Variants in VPS53 observed in about 807,000 individuals in gnomAD.
VPS53 encodes the protein VPS53 subunit of GARP complex.
VPS53 carries 70 observed loss-of-function variants against 107.0 expected under a neutral mutation model. The ratio of observed to expected loss-of-function variants is 0.65; its 90% CI spans 0.54 to 0.80. VPS53 has a LOEUF of 0.80. Among genes scored for constraint, VPS53 ranks in the 30% least tolerant of loss-of-function variants. The pLI is 0.00. For missense variants in VPS53, 917 were observed against 1,049.4 expected, an observed-to-expected ratio of 0.87 and a Z score of 1.74; for synonymous variants, 409 against 393.3, an observed-to-expected ratio of 1.04 and a Z score of -0.47.
intron 17 of VPS53, among the ~76,000 whole-genome samples, chr17:548,850 T>A (rs1177057334): frequency 1.3e-5 from 2 of 152,252 alleles, no homozygotes; most frequent in African/African-American, 2.4e-5. Context: ...CTGTTTGAAC[T>A]GCCCTACTAA....
At chr17:628,367 G>A (rs1969807293) in intron 8 of VPS53, 136 bp from the exon 9 acceptor site, 1 of 1,056,738 alleles carries the variant, frequency 9.5e-7, no homozygotes, top group Non-Finnish European at 1.3e-6. Context: ...TTTCTGCTGT[G>A]GCTGGATCTG....
At chr17:620,022 T>C (rs910205484) in intron 11 of VPS53, among the ~76,000 whole-genome samples, 3 of 152,224 alleles carry the variant, frequency 2.0e-5, no homozygotes, top group African/African-American at 7.2e-5. Flanking sequence ...TCTTTAAGGC[T>C]ATTTTCACCT....
In VPS53 at chr17:628,173, T is replaced by C. The variant is rs1969797873; in HGVS notation, c.746A>G (p.Asp249Gly). 6.2e-7 allele frequency: 1 copy of C among 1,613,966 alleles called. No homozygotes were observed. Among genetic ancestry groups the C allele is most frequent in the Non-Finnish European group, 8.5e-7 (1 of 1,180,022 alleles). ...GATGATTTCCTGTTTGATCCTGGGATCTAGAATATTAGCAACCAGACATGC... is the reference window on the plus strand; with the variant it reads ...GATGATTTCCTGTTTGATCCTGGGACCTAGAATATTAGCAACCAGACATGC... The part of the protein sequence containing the change: ...RDACLVANIL[D>G]PRIKQEIIKK... Residue 249 changes from aspartate to glycine, a missense_variant, in exon 9 of 22, where the codon GAT becomes GGT. Coordinates refer to ENST00000437048, the MANE Select transcript of VPS53 (RefSeq NM_001128159.3).
At chr17:525,510 G>C (rs917998097) in intron 19 of VPS53, among the ~76,000 whole-genome samples, 5 of 152,162 alleles carry the variant, frequency 3.3e-5, no homozygotes, top group Non-Finnish European at 5.9e-5. Context: ...GCAACACAGT[G>C]AGACCTTGTC....
intron 13 of VPS53, among the ~76,000 whole-genome samples, chr17:576,328 C>T (rs868413204): frequency 1.3e-5 from 2 of 152,182 alleles, no homozygotes; most frequent in South Asian, 2.1e-4. Flanking sequence ...CCCTCAGAAC[C>T]TAACGCTTTC....
intron 4 of VPS53, among the ~76,000 whole-genome samples, chr17:697,005 C>A (rs1204508140): frequency 1.3e-5 from 2 of 152,170 alleles, no homozygotes; most frequent in Admixed American, 1.3e-4. Flanking sequence ...AGTCACCTGC[C>A]TGCTGGCAAA....
chr17:596,263 T>C (rs1160745706), intron 12 of VPS53, among the ~76,000 whole-genome samples: 1 of 152,236 alleles, frequency 6.6e-6, no homozygotes, highest in Admixed American at 6.5e-5. Context: ...AAAGAAACTA[T>C]GTTGGAGTAA....
At chr17:551,438 T>C (rs1911809356) in intron 17 of VPS53, among the ~76,000 whole-genome samples, 1 of 152,016 alleles carries the variant, frequency 6.6e-6, no homozygotes, top group Non-Finnish European at 1.5e-5. Context: ...CACAGTGGCA[T>C]GCACCTGTGG....
intron 17 of VPS53, among the ~76,000 whole-genome samples, chr17:549,037 G>A (rs1212265378): frequency 1.3e-5 from 2 of 152,078 alleles, no homozygotes; most frequent in Admixed American, 6.6e-5. Context: ...GGGTATTGCT[G>A]TCATCTTACA....
chr17:655,637 T>G (rs922068045), intron 6 of VPS53, among the ~76,000 whole-genome samples: 4 of 152,214 alleles, frequency 2.6e-5, no homozygotes, highest in African/African-American at 9.6e-5. Flanking sequence ...GGTCCCCTTT[T>G]GACTAGCTGC....
chr17:593,311 G>A (rs1279176948), intron 12 of VPS53, among the ~76,000 whole-genome samples: 2 of 152,114 alleles, frequency 1.3e-5, no homozygotes, highest in Non-Finnish European at 1.5e-5. Flanking sequence ...TGACCAATGG[G>A]ATCTAATTAA....
At chr17:600,213 C>A (rs1402565076) in intron 12 of VPS53, 1 of 152,186 alleles carries the variant, frequency 6.6e-6, no homozygotes, top group Admixed American at 6.5e-5. Flanking sequence ...AGATGACTAG[C>A]GAAAAGAATA....
intron 1 of VPS53, among the ~76,000 whole-genome samples, chr17:711,202 C>A (rs1301371103): frequency 1.3e-5 from 2 of 152,050 alleles, no homozygotes; most frequent in Non-Finnish European, 2.9e-5. Context: ...AGAGTGAGAT[C>A]CTCTCTCAAA....
chr17:586,453 T>C, intron 12 of VPS53, 89 bp from the exon 13 acceptor site: 1 of 1,253,120 alleles, frequency 8.0e-7, no homozygotes, highest in Non-Finnish European at 1.1e-6. Context: ...TCAAAGTTCA[T>C]TCCTAAGTCA....
intron 13 of VPS53, among the ~76,000 whole-genome samples, chr17:583,444 C>A (rs1015533762): frequency 1.2e-4 from 18 of 147,924 alleles, no homozygotes; most frequent in Non-Finnish European, 2.2e-4. Flanking sequence ...TCTCTCAGAA[C>A]CTCAATGCGT....
At chr17:579,146 A>G (rs1966867888) in intron 13 of VPS53, among the ~76,000 whole-genome samples, 1 of 151,148 alleles carries the variant, frequency 6.6e-6, no homozygotes, top group South Asian at 2.1e-4. Flanking sequence ...ATGCGTTCCC[A>G]GAGAACCTCC....
intron 1 of VPS53, among the ~76,000 whole-genome samples, chr17:711,249 A>T (rs989811584): frequency 6.6e-6 from 1 of 152,186 alleles, no homozygotes; most frequent in Non-Finnish European, 1.5e-5. Flanking sequence ...TAACTCCCTA[A>T]CAACCTGAAG....
intron 11 of VPS53, among the ~76,000 whole-genome samples, chr17:603,737 G>GA (rs913634975): frequency 1.3e-4 from 19 of 151,874 alleles, no homozygotes; most frequent in African/African-American, 2.7e-4. Context: ...TAACATGAGA[G>GA]AAAAAAAATC....
At chr17:643,120 CACTTGGAAAGCGAGGACAACACTCAT>C (rs1567701250) in intron 7 of VPS53, among the ~76,000 whole-genome samples, 16 of 23,288 alleles carry the variant, frequency 6.9e-4, no homozygotes, top group African/African-American at 1.9e-3. Flanking sequence ...ACAACACTCA[CACTTGGAAAGCGAGGACAACACTCAT>C]ACTTGGAAAG....
Sources: allele counts gnomAD v4.1 joint callset (sites outside exome capture counted in the v4.1 genomes callset), GRCh38; gene constraint gnomAD v4.1.1; transcripts MANE v1.5; gene names NCBI Gene and HGNC (gene_info 2026-07-23, HGNC 2026-07-21).